Variants in AR observed in about 807,000 individuals in gnomAD.
AR encodes the protein dihydrotestosterone receptor.
Under a neutral mutation model 53.9 loss-of-function variants are expected in AR, and 8 were observed. The observed-to-expected ratio is 0.15, with a 90% CI of 0.09 to 0.27. The LOEUF (loss-of-function observed/expected upper bound fraction) is 0.27, where lower values mean the gene tolerates loss of function less well. Ranked by LOEUF, AR falls within the 10% of genes least tolerant of loss-of-function variation. AR has a pLI of 1.00. For synonymous variants in AR, 359 were observed against 316.4 expected (o/e 1.13, Z -1.43); for missense variants, 639 against 742.5 (o/e 0.86, Z 1.62).
chrX:67,556,918 A>G (rs911085937), intron 1 of AR, among the ~76,000 whole-genome samples: 1 of 110,965 alleles, frequency 9.0e-6, no homozygotes, highest in Non-Finnish European at 1.9e-5. Flanking sequence ...TAAATAAGTG[A>G]AGGATGGTAG....
At chrX:67,660,798 C>A (rs1926860192) in intron 2 of AR, among the ~76,000 whole-genome samples, 1 of 111,487 alleles carries the variant, frequency 9.0e-6, no homozygotes, top group Non-Finnish European at 1.9e-5. Flanking sequence ...TATAAATTAC[C>A]TTGGGCAGTA....
At position 67,637,693 on chromosome X, in the gene AR, C is replaced by T. The variant is rs972243146; in HGVS notation, c.1617-5563C>T. Among the ~76,000 whole-genome samples, 69 of 110,770 alleles carry T rather than the reference C, an allele frequency of 6.2e-4. 1 individual carries two copies. Among genetic ancestry groups the T allele is most frequent in the African/African-American group, 2.2e-3 (68 of 30,458 alleles). On this transcript the variant is annotated intron_variant, in intron 1 of 7. Transcript: ENST00000374690. ...TGTAGGCACAATGTTGTACAGCAGA[C>T]GTCTAGAACTTTTTCTTCAGGCTTA...
chrX:67,599,566 C>T (rs1471634063), intron 1 of AR, among the ~76,000 whole-genome samples: 1 of 111,896 alleles, frequency 8.9e-6, no homozygotes. Context: ...CTGCACCTTT[C>T]TTCTGTGCCT....
At position 67,635,936 on chromosome X, in the gene AR, G is replaced by C. The variant is rs904788800; in HGVS notation, c.1617-7320G>C. Reference sequence around the variant, plus strand: ...GTGTTTGCAATTAGGATGTTATCTAGGAGCATATTCAAAACTTTTGAGGTT... The same window carrying C: ...GTGTTTGCAATTAGGATGTTATCTACGAGCATATTCAAAACTTTTGAGGTT... On this transcript the variant is annotated intron_variant, in intron 1 of 7. Coordinates refer to ENST00000374690, the MANE Select transcript of AR (RefSeq NM_000044.6). Among the ~76,000 whole-genome samples the C allele has an allele frequency of 1.8e-5, 2 of 111,378 alleles. 1 individual carries two copies. The highest frequency in any genetic ancestry group is 7.5e-4 in the South Asian group (2 of 2,653).
intron 1 of AR, among the ~76,000 whole-genome samples, chrX:67,565,292 G>A (rs926809198): frequency 9.8e-5 from 11 of 111,988 alleles, no homozygotes; most frequent in African/African-American, 1.3e-4. Context: ...GCCATGCCCC[G>A]GATCTATAAG....
chrX:67,584,524 G>T (rs995720967), intron 1 of AR, among the ~76,000 whole-genome samples: 1 of 111,863 alleles, frequency 8.9e-6, no homozygotes, highest in African/African-American at 3.3e-5. Flanking sequence ...CTCCTGTTTT[G>T]CCATTTATAA....
At chrX:67,719,284 G>C (rs1209942608) in intron 5 of AR, among the ~76,000 whole-genome samples, 1 of 111,826 alleles carries the variant, frequency 8.9e-6, no homozygotes, top group Non-Finnish European at 1.9e-5. Context: ...CCCCCTAACT[G>C]TTCATCTCCC....
In AR at chrX:67,546,126, G is replaced by A. The variant is rs372682890; in HGVS notation, c.980G>A (p.Cys327Tyr). Residue 327 changes from cysteine to tyrosine, a missense_variant, in exon 1 of 8, where the codon TGC (cysteine) becomes TAC (tyrosine). Physicochemically the swap from Cys to Tyr is radical, Grantham distance 194 (BLOSUM62 -2). This residue lies in a region of AR where 423 missense variants were observed against 377.0 expected (regional missense o/e 1.12). Transcript: ENST00000374690. ...GGGCTAGAAGGCGAGAGCCTAGGCT[G>A]CTCTGGCAGCGCTGCAGCAGGGAGC... ...TKGLEGESLG[C>Y]SGSAAAGSSG... 5 of 1,211,224 alleles carry A rather than the reference G, an allele frequency of 4.1e-6. No individual in the cohort carries two copies. Among genetic ancestry groups the A allele is most frequent in the Non-Finnish European group, 5.6e-6 (5 of 895,425 alleles).
intron 2 of AR, among the ~76,000 whole-genome samples, chrX:67,663,606 G>T (rs1341878509): frequency 2.7e-5 from 3 of 111,365 alleles, no homozygotes; most frequent in African/African-American, 9.8e-5. Flanking sequence ...ATGTGTCTTG[G>T]AGTTGCTCTT....
chrX:67,584,544 T>A lies in AR; in HGVS notation c.1616+37782T>A, dbSNP rs190153579. The stretch of plus-strand genomic sequence containing the variant: ...GTTTTGCCATTTATAAGAATTTGAG[T>A]AATTATTGTTTCTAAATAAGAGTTT... On this transcript the variant is annotated intron_variant, in intron 1 of 7. Transcript: ENST00000374690. Among the ~76,000 whole-genome samples, 275 of 111,825 alleles carry A rather than the reference T, an allele frequency of 2.5e-3. 1 individual carries two copies. The highest frequency in any genetic ancestry group is 7.8e-3 in the African/African-American group (241 of 30,776).
chrX:67,709,715 T>C (rs979481459), intron 3 of AR, among the ~76,000 whole-genome samples: 3 of 112,162 alleles, frequency 2.7e-5, no homozygotes, highest in African/African-American at 9.7e-5. Flanking sequence ...CAGAAATCAC[T>C]CATCTTCTGC....
intron 1 of AR, chrX:67,568,843 T>C (rs1921670247): frequency 8.7e-7 from 1 of 1,147,725 alleles, no homozygotes; most frequent in Non-Finnish European, 1.2e-6. Flanking sequence ...CAGTAGGTGC[T>C]GCGAGCAGAG....
chrX:67,660,565 T>A (rs1356739752), intron 2 of AR, among the ~76,000 whole-genome samples: 2 of 111,496 alleles, frequency 1.8e-5, no homozygotes, highest in African/African-American at 3.3e-5. Context: ...TCTGTTCCAT[T>A]GGTCTATATC....
chrX:67,562,703 G>A (rs552005169), intron 1 of AR, among the ~76,000 whole-genome samples: 4 of 110,864 alleles, frequency 3.6e-5, no homozygotes, highest in African/African-American at 1.3e-4. Flanking sequence ...TTCACTCCTC[G>A]TATAGGAGGA....
chrX:67,670,991 C>G (rs1292587790), intron 2 of AR, among the ~76,000 whole-genome samples: 1 of 111,890 alleles, frequency 8.9e-6, no homozygotes, highest in Admixed American at 9.5e-5. Context: ...TTTTCTTTAT[C>G]CAGTATATCA....
chrX:67,598,789 T>TG (rs1923203116), intron 1 of AR, among the ~76,000 whole-genome samples: 1 of 110,771 alleles, frequency 9.0e-6, no homozygotes, highest in Non-Finnish European at 1.9e-5. Flanking sequence ...TTTTCACTTT[T>TG]GTTTTTCTTC....
intron 1 of AR, among the ~76,000 whole-genome samples, chrX:67,625,263 A>G (rs960532441): frequency 3.6e-5 from 4 of 111,530 alleles, no homozygotes; most frequent in Non-Finnish European, 7.5e-5. Flanking sequence ...GAAAGTAATT[A>G]AAAATCTAAA....
Position 67,729,976 on chromosome X carries a change from C to T in AR, c.*6135C>T, listed in dbSNP as rs1018465950. ...CAGCAGCCACCATCAGAATGACCCA[C>T]GCAAAAAAAAGAAAAAAAAAATTAA... is the stretch of plus-strand genomic sequence containing the variant. On this transcript the variant is annotated 3_prime_UTR_variant, in exon 8 of 8. Coordinates refer to ENST00000374690, the MANE Select transcript of AR (RefSeq NM_000044.6). 6 of 169,135 alleles carry T rather than the reference C, an allele frequency of 3.5e-5. No homozygotes were observed. Among genetic ancestry groups the T allele is most frequent in the South Asian group, 3.4e-4 (1 of 2,985 alleles). The allele number at this position is 169,135 out of a possible 1,213,427, so 13.9% of individuals were successfully genotyped here.
chrX:67,607,709 A>G (rs1460795954), intron 1 of AR, among the ~76,000 whole-genome samples: 1 of 112,206 alleles, frequency 8.9e-6, no homozygotes, highest in African/African-American at 3.2e-5. Flanking sequence ...AGAACAATTC[A>G]TTCTCCATCC....
Sources: gnomAD v4.1 joint callset for allele counts (sites outside exome capture counted in the v4.1 genomes callset) on GRCh38, gnomAD v4.1.1 for gene constraint, gnomAD v4.1.1 regional missense constraint, MANE v1.5 for transcripts, NCBI Gene and HGNC (gene_info 2026-07-23, HGNC 2026-07-21) for gene names.